Variants in LMF1 observed in about 807,000 individuals in gnomAD.
LMF1 encodes the protein lipase maturation factor 1, also known as transmembrane protein 112.
A neutral mutation model predicts 60.6 loss-of-function variants in LMF1; 68 were observed. That is an observed-to-expected ratio of 1.12 (90% confidence interval 0.92 to 1.37). The LOEUF (loss-of-function observed/expected upper bound fraction) is 1.37. Ranked by LOEUF, LMF1 falls within the 40% of genes most tolerant of loss-of-function variation. The pLI is 0.00. For missense variants in LMF1, 948 were observed against 767.2 expected (o/e 1.24, Z -2.78); for synonymous variants, 418 against 324.7 (o/e 1.29, Z -3.09).
intron 1 of LMF1, among the ~76,000 whole-genome samples, chr16:966,753 G>T (rs2072933170): frequency 6.6e-6 from 1 of 152,190 alleles, no homozygotes. Flanking sequence ...GTGACAGGAA[G>T]GTCTTGATGA....
chr16:918,160 C>G (rs941852755), intron 3 of LMF1, among the ~76,000 whole-genome samples: 4 of 152,234 alleles, frequency 2.6e-5, no homozygotes, highest in African/African-American at 9.6e-5. Flanking sequence ...ACGTTAACTG[C>G]ACGCTCTCAG....
In LMF1 at chr16:868,946, G is replaced by A; in HGVS notation, c.1527C>T (p.Pro509=). The A allele has an allele frequency of 6.2e-7, 1 of 1,604,174 alleles. No homozygotes were observed. The highest frequency in any genetic ancestry group is 8.5e-7 in the Non-Finnish European group (1 of 1,173,360). ...AHNPFAGRPP[P]RWVRGEHYRY... The stretch of plus-strand genomic sequence containing the variant: ...CAGCGGCAGGGAGGGCATCCTACCT[G>A]GGCGGGGGCCTGCCCGCGAAGGGGT... The change falls in exon 10 of 11, where the codon CCC becomes CCT. Residue 509 remains proline, a splice_region_variant and synonymous_variant. Transcript: ENST00000262301.
rs60283096 is a variant in LMF1, at chr16:945,211, C to CAAAAAAAAA, written c.503+9137_503+9145dup. Among the ~76,000 whole-genome samples, 258 of 78,984 alleles carry CAAAAAAAAA rather than the reference C, an allele frequency of 3.3e-3. 2 individuals are homozygous for CAAAAAAAAA. The highest frequency in any genetic ancestry group is 6.1e-3 in the African/African-American group (105 of 17,200). 51.8% of individuals were successfully genotyped at this position (78,984 alleles called of 152,430 possible). On this transcript the variant is annotated intron_variant, in intron 2 of 10. Transcript: ENST00000262301. Reference sequence around the variant, plus strand: ...GGGCGACAAGAGCGAGACTCCATCTCAAAAAAAAAAAAAAAAAGGAAAATA... The same window carrying CAAAAAAAAA: ...GGGCGACAAGAGCGAGACTCCATCTCAAAAAAAAAAAAAAAAAAAAAAAAAAGGAAAATA...
intron 10 of LMF1, among the ~76,000 whole-genome samples, chr16:863,978 G>A (rs2069541119): frequency 1.3e-5 from 2 of 152,248 alleles, no homozygotes; most frequent in African/African-American, 4.8e-5. Flanking sequence ...GCCTGTCGAT[G>A]ATGGTGCTCC....
upstream of LMF1, among the ~76,000 whole-genome samples, chr16:975,334 T>C (rs1464131114): frequency 1.3e-5 from 2 of 152,082 alleles, no homozygotes; most frequent in East Asian, 1.9e-4. Context: ...TTTTTTTTTT[T>C]CTCTAGGAAT....
intron 1 of LMF1, among the ~76,000 whole-genome samples, chr16:968,136 C>T (rs569769138): frequency 6.6e-6 from 1 of 152,350 alleles, no homozygotes; most frequent in East Asian, 1.9e-4. Flanking sequence ...CACATGGAAA[C>T]GCCCAGGCCC....
intron 3 of LMF1, among the ~76,000 whole-genome samples, chr16:913,296 G>A: frequency 6.6e-6 from 1 of 152,244 alleles, no homozygotes; most frequent in Admixed American, 6.5e-5. Context: ...TTCTGCCTGG[G>A]TAACGGGGCA....
rs2071307700 is a variant in LMF1 at position 917,317 on chromosome 16, G to T, written c.515-6238C>A. On this transcript the variant is annotated intron_variant, in intron 3 of 10. Transcript: ENST00000262301. ...ACTGCGGGCGGGCACAGGCCCACGT[G>T]AAGAAATGCCACATGTGTGCACTGC... Among the ~76,000 whole-genome samples, 2 of 101,954 alleles carry T rather than the reference G, an allele frequency of 2.0e-5. 1 individual carries two copies. Among genetic ancestry groups the T allele is most frequent in the South Asian group, 6.7e-4 (2 of 3,006 alleles). The allele number at this position is 101,954 out of a possible 152,430, so 66.9% of individuals were successfully genotyped here. A position where few individuals can be genotyped will look rare whatever the true frequency, so the allele number is the denominator to read the frequency against.
intron 10 of LMF1, among the ~76,000 whole-genome samples, chr16:865,692 T>C (rs1169371170): frequency 6.6e-6 from 1 of 152,204 alleles, no homozygotes; most frequent in Non-Finnish European, 1.5e-5. Flanking sequence ...TTGCCAAATT[T>C]GGGAAGTTTT....
chr16:915,805 G>A (rs1333425164), intron 3 of LMF1, among the ~76,000 whole-genome samples: 2 of 152,276 alleles, frequency 1.3e-5, no homozygotes, highest in South Asian at 2.1e-4. Context: ...AGGCGGGTGA[G>A]ATGAGCACCA....
intron 4 of LMF1, among the ~76,000 whole-genome samples, chr16:896,111 C>T (rs111301684): frequency 3.1e-3 from 152 of 49,230 alleles, no homozygotes; most frequent in African/African-American, 0.011. Context: ...GGCTCAGCCA[C>T]CCACACGCAG....
intron 9 of LMF1, 130 bp downstream of exon 9, chr16:869,753 C>A (rs1567152192): frequency 2.0e-6 from 2 of 981,204 alleles, no homozygotes; most frequent in East Asian, 5.3e-5. Context: ...TCAGCTCAGG[C>A]AGGATCCCAT....
chr16:931,703 A>G (rs2071789790), intron 3 of LMF1: 3 of 1,287,208 alleles, frequency 2.3e-6, no homozygotes, highest in South Asian at 2.5e-5. Context: ...TCAAAGACGC[A>G]TGGCTGCTCG....
intron 6 of LMF1, 21 bp from the exon 7 acceptor site, chr16:871,362 A>AGTCTC: frequency 6.2e-7 from 1 of 1,605,192 alleles, no homozygotes; most frequent in East Asian, 2.2e-5. Context: ...GCCGCAGCTG[A>AGTCTC]GTCTCGTGCA....
rs7206734 is a variant in LMF1 at position 853,776 on chromosome 16, C to T, written c.*756G>A. 1,163 of 454,112 alleles carry T rather than the reference C, an allele frequency of 2.6e-3. 14 individuals are homozygous for T. The highest frequency in any genetic ancestry group is 0.02 in the African/African-American group (1,022 of 50,112). 28.1% of individuals were successfully genotyped at this position (454,112 alleles called of 1,614,324 possible). A position where few individuals can be genotyped will look rare whatever the true frequency, so the allele number is the denominator to read the frequency against. On this transcript the variant is annotated 3_prime_UTR_variant, in exon 11 of 11. Coordinates refer to ENST00000262301, the MANE Select transcript of LMF1 (RefSeq NM_022773.4). ...AAAGTGTGCACGGCCGGCTGTCCTC[C>T]GATTGAGGGGCCTTGTCAAGGCCTC...
intron 3 of LMF1, among the ~76,000 whole-genome samples, chr16:916,213 G>T (rs537089311): frequency 6.6e-6 from 1 of 152,224 alleles, no homozygotes; most frequent in African/African-American, 2.4e-5. Context: ...TAGTTACTTA[G>T]GGAGAGTCAT....
chr16:911,106 G>A (rs777775706), intron 3 of LMF1, 27 bp from the exon 4 acceptor site: 12 of 1,602,558 alleles, frequency 7.5e-6, no homozygotes, highest in Admixed American at 1.7e-5. Context: ...TACCAAAGGT[G>A]AGTTAATGGA....
chr16:956,237 C>T (rs541723820), intron 1 of LMF1, among the ~76,000 whole-genome samples: 1 of 149,472 alleles, frequency 6.7e-6, no homozygotes, highest in Non-Finnish European at 1.5e-5. Context: ...CACCCCACGA[C>T]GGCTCTCTCA....
upstream of LMF1, chr16:971,137 C>T (rs1191108118): frequency 1.1e-5 from 8 of 704,506 alleles, no homozygotes; most frequent in South Asian, 3.9e-4. Flanking sequence ...ACCGCCCCCT[C>T]CAGCCGGCCC....
Sources: gnomAD v4.1 joint callset for allele counts (sites outside exome capture counted in the v4.1 genomes callset) on GRCh38, gnomAD v4.1.1 for gene constraint, MANE v1.5 for transcripts, NCBI Gene and HGNC (gene_info 2026-07-23, HGNC 2026-07-21) for gene names.